KLHL8: variants seen among roughly 807,000 people sequenced by gnomAD.
KLHL8 encodes kelch like family member 8.
A neutral mutation model predicts 63.5 loss-of-function variants in KLHL8; 38 were observed. The ratio of observed to expected loss-of-function variants is 0.60; its 90% CI spans 0.46 to 0.78. The LOEUF (loss-of-function observed/expected upper bound fraction) is 0.78, where lower values mean the gene tolerates loss of function less well. KLHL8 is among the 30% of genes least tolerant of loss of function. The pLI, the probability that KLHL8 is intolerant of heterozygous loss-of-function variation, is 0.00. For synonymous variants in KLHL8, 224 were observed against 254.3 expected (o/e 0.88, Z 1.13); for missense variants, 566 against 752.4 (o/e 0.75, Z 2.90).
At chr4:87,208,410 A>C (rs1732248395) in intron 1 of KLHL8, among the ~76,000 whole-genome samples, 2 of 145,662 alleles carry the variant, frequency 1.4e-5, no homozygotes, top group African/African-American at 5.1e-5. Flanking sequence ...TCTGCCACCC[A>C]GGCTACAGTG....
At chr4:87,207,737 GA>G in intron 1 of KLHL8, 1 of 865,504 alleles carries the variant, frequency 1.2e-6, no homozygotes, top group African/African-American at 1.6e-5. Flanking sequence ...AAGGCTGTGG[GA>G]AAGGCCCTCT....
intron 1 of KLHL8, among the ~76,000 whole-genome samples, chr4:87,233,993 C>T (rs1035962318): frequency 1.3e-5 from 2 of 152,202 alleles, no homozygotes; most frequent in Non-Finnish European, 2.9e-5. Flanking sequence ...TTGTCACAAT[C>T]AGTGTTCACT....
At chr4:87,165,651 C>A (rs773360403) in intron 8 of KLHL8, among the ~76,000 whole-genome samples, 3 of 152,044 alleles carry the variant, frequency 2.0e-5, no homozygotes, top group Non-Finnish European at 4.4e-5. Context: ...CCTGCCTCAG[C>A]CTCCCAAAGT....
At chr4:87,200,389 AT>A (rs772190982) in intron 1 of KLHL8, among the ~76,000 whole-genome samples, 53 of 152,170 alleles carry the variant, frequency 3.5e-4, no homozygotes, top group Non-Finnish European at 6.0e-4. Context: ...TTATCTCTAG[AT>A]TACTTATGAT....
chr4:87,195,784 A>C (rs1014989379), intron 1 of KLHL8, 94 bp from the exon 2 acceptor site: 5 of 333,314 alleles, frequency 1.5e-5, no homozygotes, highest in Non-Finnish European at 2.7e-5. Context: ...CAAAATAACT[A>C]TATCAATCAT....
rs548793166 is a variant in KLHL8 at position 87,198,826 on chromosome 4, C to A, written c.-151-3136G>T. ...AACAGGTGAAATTTGAATATTTGCA[C>A]ACCCATGTTCACTGTGGCATTATTT... On this transcript the variant is annotated intron_variant, in intron 1 of 9. Coordinates refer to ENST00000273963, the MANE Select transcript of KLHL8 (RefSeq NM_020803.5). Among the ~76,000 whole-genome samples, 19 of 152,312 alleles carry A rather than the reference C, an allele frequency of 1.2e-4. No homozygotes were observed. The South Asian group carries it at 3.7e-3, about 30-fold the overall frequency.
rs185027027 is a variant in KLHL8 at position 87,213,996 on chromosome 4, T to C, written c.-152+6422A>G. On this transcript the variant is annotated intron_variant, in intron 1 of 9. Transcript: ENST00000273963. ...TGATGGGTAAGTGAAGTAATTTATATAAAGTATTTAGCTCTGTATCTAGTA... is the reference window on the plus strand; with the variant it reads ...TGATGGGTAAGTGAAGTAATTTATACAAAGTATTTAGCTCTGTATCTAGTA... 8.3e-4 allele frequency among the ~76,000 whole-genome samples: 127 copies of C among 152,316 alleles called. 1 individual carries two copies. The highest frequency in any genetic ancestry group is 6.8e-3 in the Middle Eastern group (2 of 294).
At chr4:87,177,513 CACAAACAA>C (rs199909317) in intron 5 of KLHL8, among the ~76,000 whole-genome samples, 43 of 150,868 alleles carry the variant, frequency 2.9e-4, no homozygotes, top group African/African-American at 1.0e-3. Context: ...TCAAAAAAAA[CACAAACAA>C]ACAAACAAAC....
chr4:87,189,576 A>AC (rs2110002170), intron 2 of KLHL8, among the ~76,000 whole-genome samples: 1 of 152,172 alleles, frequency 6.6e-6, no homozygotes, highest in South Asian at 2.1e-4. Flanking sequence ...TCCTAACTCC[A>AC]CTAGTTAGGA....
chr4:87,163,783 A>C (rs1269183356), intron 9 of KLHL8, 95 bp downstream of exon 9: 1 of 1,514,944 alleles, frequency 6.6e-7, no homozygotes, highest in Non-Finnish European at 9.1e-7. Context: ...CCCAAAGCTT[A>C]GTATTAACTA....
At chr4:87,189,622 G>A (rs539361229) in intron 2 of KLHL8, among the ~76,000 whole-genome samples, 3 of 152,034 alleles carry the variant, frequency 2.0e-5, no homozygotes, top group East Asian at 1.9e-4. Flanking sequence ...GCTCGAGCCC[G>A]CTCCCACTCT....
rs201977013 is a variant in KLHL8 at position 87,185,639 on chromosome 4, T to C, written c.377A>G (p.Tyr126Cys). The C allele has an allele frequency of 7.4e-6, 12 of 1,614,096 alleles. No homozygotes were observed. Among genetic ancestry groups the C allele is most frequent in the African/African-American group, 1.3e-5 (1 of 74,940 alleles). ...AACAGTCAAAGTGAGCCGTGAAGAA[T>C]AGACAAACTTTACCAAGTCTTCTAT... ...DAIEDLVKFV[Y>C]SSRLTLTVDN... Residue 126 changes from tyrosine to cysteine, a missense_variant, in exon 3 of 10, where the codon TAT (tyrosine) becomes TGT (cysteine). Transcript: ENST00000273963.
chr4:87,220,823 A>C (rs530147149), upstream of KLHL8: 1 of 152,242 alleles, frequency 6.6e-6, no homozygotes, highest in Non-Finnish European at 1.5e-5. Flanking sequence ...TTGAAATAAA[A>C]CACTGCCTAA....
At chr4:87,180,059 C>T (rs1416647442) in intron 4 of KLHL8, among the ~76,000 whole-genome samples, 4 of 152,180 alleles carry the variant, frequency 2.6e-5, no homozygotes, top group African/African-American at 9.7e-5. Flanking sequence ...AAGGTAAAAC[C>T]TTATCACAGC....
chr4:87,213,890 C>T (rs1239857628), intron 1 of KLHL8, among the ~76,000 whole-genome samples: 2 of 152,172 alleles, frequency 1.3e-5, no homozygotes, highest in South Asian at 2.1e-4. Flanking sequence ...TAGAGCTAGA[C>T]AGTTTTGGGA....
At chr4:87,181,441 C>T (rs1239049393) in intron 4 of KLHL8, among the ~76,000 whole-genome samples, 2 of 151,920 alleles carry the variant, frequency 1.3e-5, no homozygotes, top group African/African-American at 4.8e-5. Context: ...TAAACTGAGA[C>T]CCTGATTAAT....
At chr4:87,225,528 T>C (rs1732957230), upstream of KLHL8, among the ~76,000 whole-genome samples, 1 of 152,214 alleles carries the variant, frequency 6.6e-6, no homozygotes, top group Non-Finnish European at 1.5e-5. Flanking sequence ...ATAAGGTCTC[T>C]GTTGCTTCCT....
chr4:87,233,249 C>A (rs1215405728), intron 1 of KLHL8, among the ~76,000 whole-genome samples: 2 of 151,824 alleles, frequency 1.3e-5, no homozygotes, highest in Non-Finnish European at 2.9e-5. Context: ...TACCATGTTG[C>A]CCAGGCTGAT....
Position 87,163,408 on chromosome 4 carries a change from T to G in KLHL8, c.*111A>C, listed in dbSNP as rs1730251395. ...TAGTCACAATACAACAGTTAACATT[T>G]AAATAAGACTCTAGTTGCAGTAAAA... is the stretch of plus-strand genomic sequence containing the variant. On this transcript the variant is annotated 3_prime_UTR_variant, in exon 10 of 10. Transcript: ENST00000273963. 9.2e-7 allele frequency: 1 copy of G among 1,082,906 alleles called. No homozygotes were observed. The highest frequency in any genetic ancestry group is 1.6e-5 in the South Asian group (1 of 62,412). 67.1% of individuals were successfully genotyped at this position (1,082,906 alleles called of 1,614,324 possible).
Sources: gnomAD v4.1 joint callset for allele counts (sites outside exome capture counted in the v4.1 genomes callset) on GRCh38, gnomAD v4.1.1 for gene constraint, MANE v1.5 for transcripts, NCBI Gene and HGNC (gene_info 2026-07-23, HGNC 2026-07-21) for gene names.